DYSF: variants seen among roughly 807,000 people sequenced by gnomAD.
The protein encoded by DYSF is dystrophy-associated fer-1-like 1.
Under a neutral mutation model 274.9 loss-of-function variants are expected in DYSF, and 212 were observed. The observed-to-expected ratio is 0.77, with a 90% CI of 0.69 to 0.86. The LOEUF (loss-of-function observed/expected upper bound fraction) is 0.86. Among genes scored for constraint, DYSF ranks in the 40% least tolerant of loss-of-function variants. The pLI, the probability that DYSF is intolerant of heterozygous loss-of-function variation, is 0.00. For missense variants in DYSF, 2,666 were observed against 2,783.2 expected (o/e 0.96, Z 0.95); for synonymous variants, 1,091 against 1,078.7 (o/e 1.01, Z -0.22).
chr2:71,550,963 C>T, intron 17 of DYSF, 78 bp from the exon 18 acceptor site: 1 of 1,286,550 alleles, frequency 7.8e-7, no homozygotes, highest in Admixed American at 1.7e-5. Context: ...GGGGTGGGCT[C>T]AGGTTGGAAG....
chr2:71,633,709 T>TA (rs1248875373), intron 41 of DYSF, among the ~76,000 whole-genome samples: 1 of 152,112 alleles, frequency 6.6e-6, no homozygotes, highest in Non-Finnish European at 1.5e-5. Flanking sequence ...CATTTTTTTT[T>TA]AAGAGTTGGG....
chr2:71,488,949 C>G (rs1391741367), intron 3 of DYSF, among the ~76,000 whole-genome samples: 1 of 152,034 alleles, frequency 6.6e-6, no homozygotes, highest in African/African-American at 2.4e-5. Flanking sequence ...CCCCAATGCT[C>G]CTTCTCCTCC....
chr2:71,571,440 CACACCCAGCACACACACAGA>C (rs2092440020), intron 29 of DYSF, among the ~76,000 whole-genome samples: 1 of 95,454 alleles, frequency 1.0e-5, no homozygotes, highest in East Asian at 6.7e-4. Flanking sequence ...ACACACAGAT[CACACCCAGCACACACACAGA>C]TCACACCCAG....
intron 4 of DYSF, among the ~76,000 whole-genome samples, chr2:71,509,878 C>A (rs888020244): frequency 6.6e-6 from 1 of 151,838 alleles, no homozygotes; most frequent in East Asian, 1.9e-4. Context: ...AAGGTTCAAG[C>A]GATTCTCCTG....
At chr2:71,661,767 T>C (rs1318646284) in intron 45 of DYSF, among the ~76,000 whole-genome samples, 1 of 152,232 alleles carries the variant, frequency 6.6e-6, no homozygotes, top group African/African-American at 2.4e-5. Context: ...ATTGCACTTA[T>C]AAACCGGGGT....
At chr2:71,618,909 G>C (rs940134887) in intron 40 of DYSF, among the ~76,000 whole-genome samples, 1 of 151,456 alleles carries the variant, frequency 6.6e-6, no homozygotes, top group Non-Finnish European at 1.5e-5. Flanking sequence ...GGACTCCCAG[G>C]CTCCCAGGCT....
At position 71,636,514 on chromosome 2, in the gene DYSF, A is replaced by G. The variant is rs2152917211; in HGVS notation, c.4528-7451A>G. ...CAGGGATTTTGGCTTGAGCATCTGG[A>G]AGGAGAGAGTTGCCATTTGTTCATA... is the stretch of plus-strand genomic sequence containing the variant. On this transcript the variant is annotated intron_variant, in intron 41 of 55. Transcript: ENST00000410020. 1.3e-5 allele frequency among the ~76,000 whole-genome samples: 2 copies of G among 152,046 alleles called. 1 individual carries two copies. The highest frequency in any genetic ancestry group is 6.8e-3 in the Middle Eastern group (2 of 294).
At chr2:71,502,319 G>A (rs937917045) in intron 3 of DYSF, among the ~76,000 whole-genome samples, 2 of 152,098 alleles carry the variant, frequency 1.3e-5, no homozygotes, top group Non-Finnish European at 2.9e-5. Flanking sequence ...GGAAAAAGCA[G>A]TTAATAAGTA....
intron 1 of DYSF, among the ~76,000 whole-genome samples, chr2:71,469,269 T>TA (rs1024702726): frequency 2.6e-5 from 4 of 152,114 alleles, no homozygotes; most frequent in Non-Finnish European, 5.9e-5. Flanking sequence ...GTTCAGAACT[T>TA]ACAGAGCATG....
chr2:71,532,893 C>T (rs72900831), intron 14 of DYSF, among the ~76,000 whole-genome samples: 152 of 148,856 alleles, frequency 1.0e-3, no homozygotes, highest in African/African-American at 3.2e-3. Context: ...GAAAAATCTC[C>T]CTCTTGCTCT....
At chr2:71,646,747 A>C (rs1287560822) in intron 42 of DYSF, among the ~76,000 whole-genome samples, 1 of 152,230 alleles carries the variant, frequency 6.6e-6, no homozygotes, top group African/African-American at 2.4e-5. Context: ...TTCCTAATTA[A>C]TAAAAATGGA....
chr2:71,494,574 T>A (rs900446877), intron 3 of DYSF, among the ~76,000 whole-genome samples: 1 of 152,218 alleles, frequency 6.6e-6, no homozygotes, highest in Non-Finnish European at 1.5e-5. Flanking sequence ...TCCTTCCACA[T>A]GTACCAGGCT....
At chr2:71,616,784 T>C (rs955320140) in intron 40 of DYSF, among the ~76,000 whole-genome samples, 8 of 152,188 alleles carry the variant, frequency 5.3e-5, no homozygotes, top group African/African-American at 1.7e-4. Flanking sequence ...AACACACAAT[T>C]TGAATGCACT....
Position 71,660,622 on chromosome 2 carries a change from C to T in DYSF, c.4974C>T (p.Ile1658=), listed in dbSNP as rs113744167. 1 of 1,614,096 alleles carries T rather than the reference C, an allele frequency of 6.2e-7. No homozygotes were observed. Among genetic ancestry groups the T allele is most frequent in the East Asian group, 2.2e-5 (1 of 44,878 alleles). The change falls in exon 45 of 56, where the codon ATC becomes ATT. Residue 1658 remains isoleucine (I), a synonymous_variant. Transcript: ENST00000410020. The part of the protein sequence containing the change: ...KKSVSDQDNY[I]PCTLEPVFGK... ...CAGTGAGTGACCAGGATAACTACATCCCCTGCACGCTGGAGCCCGTATTTG... is the reference window on the plus strand; with the variant it reads ...CAGTGAGTGACCAGGATAACTACATTCCCTGCACGCTGGAGCCCGTATTTG...
At chr2:71,488,192 G>GAT (rs1209912971) in intron 3 of DYSF, among the ~76,000 whole-genome samples, 5 of 151,976 alleles carry the variant, frequency 3.3e-5, no homozygotes, top group African/African-American at 1.2e-4. Context: ...AAAGAATTTT[G>GAT]GTAAAATGAA....
intron 41 of DYSF, among the ~76,000 whole-genome samples, chr2:71,636,641 C>G (rs2094408291): frequency 6.6e-6 from 1 of 152,150 alleles, no homozygotes; most frequent in Non-Finnish European, 1.5e-5. Context: ...GGAGATGTCA[C>G]ATGGGCAGCT....
chr2:71,516,886 G>A (rs2086711929), intron 9 of DYSF, 103 bp from the exon 10 acceptor site: 3 of 1,031,568 alleles, frequency 2.9e-6, no homozygotes, highest in African/African-American at 3.1e-5. Flanking sequence ...TTGAGTAAGT[G>A]TGAAGTGTTG....
rs191036725 is a variant in DYSF, at chr2:71,593,800, G to C, written c.3574+3512G>C. Reference sequence around the variant, plus strand: ...GAGGACCCTCAGGCAGCTCTATCATGAGGTCACCACGTTCCATTCCAAGGG... The same window carrying C: ...GAGGACCCTCAGGCAGCTCTATCATCAGGTCACCACGTTCCATTCCAAGGG... On this transcript the variant is annotated intron_variant, in intron 32 of 55. Transcript: ENST00000410020. Among the ~76,000 whole-genome samples the C allele has an allele frequency of 1.8e-3, 267 of 152,320 alleles. 1 individual carries two copies. The highest frequency in any genetic ancestry group is 6.0e-3 in the African/African-American group (248 of 41,586).
intron 14 of DYSF, among the ~76,000 whole-genome samples, chr2:71,531,097 C>G (rs1403491989): frequency 6.6e-6 from 1 of 150,810 alleles, no homozygotes; most frequent in Non-Finnish European, 1.5e-5. Flanking sequence ...TTTCTGAATT[C>G]AAGAATAAAA....
Sources: gnomAD v4.1 joint callset for allele counts (sites outside exome capture counted in the v4.1 genomes callset) on GRCh38, gnomAD v4.1.1 for gene constraint, MANE v1.5 for transcripts, NCBI Gene and HGNC (gene_info 2026-07-23, HGNC 2026-07-21) for gene names.